JAK1: variants seen among roughly 807,000 people sequenced by gnomAD.
JAK1 encodes Janus kinase 1, also known as tyrosine-protein kinase JAK1.
A neutral mutation model predicts 136.6 loss-of-function variants in JAK1; 16 were observed. The observed-to-expected ratio is 0.12, with a 90% CI of 0.08 to 0.18. JAK1 has a LOEUF of 0.18. Among genes scored for constraint, JAK1 ranks in the 10% least tolerant of loss-of-function variants. The pLI is 1.00. For missense variants in JAK1, 859 were observed against 1,450.1 expected (o/e 0.59, Z 6.62); for synonymous variants, 492 against 519.5 (o/e 0.95, Z 0.72).
chr1:65,010,759 T>C (rs143926873), intron 2 of JAK1, among the ~76,000 whole-genome samples: 6 of 152,140 alleles, frequency 3.9e-5, no homozygotes, highest in African/African-American at 1.4e-4. Flanking sequence ...AGCTTGAGGT[T>C]GGCAGTTTGA....
intron 2 of JAK1, among the ~76,000 whole-genome samples, chr1:65,030,403 C>T (rs1647012314): frequency 6.6e-6 from 1 of 152,196 alleles, no homozygotes; most frequent in African/African-American, 2.4e-5. Context: ...GAGAAAGTTT[C>T]TCATTCTTGC....
At position 64,846,313 on chromosome 1, in the gene JAK1, G is replaced by A. The variant is rs185943778; in HGVS notation, c.1987+336C>T. ...CAGCGTCTTGCTGCTTGTGGGGTGC[G>A]CTCACCTCGCTCACCTGCCCAGAGC... On this transcript the variant is annotated intron_variant, in intron 14 of 24. Coordinates refer to ENST00000342505, the MANE Select transcript of JAK1 (RefSeq NM_002227.4). 6.6e-5 allele frequency among the ~76,000 whole-genome samples: 10 copies of A among 152,076 alleles called. No homozygotes were observed. In the East Asian group the frequency reaches 1.2e-3, roughly 18 times the overall value.
intron 1 of JAK1, among the ~76,000 whole-genome samples, chr1:64,963,292 C>T (rs769339873): frequency 2.0e-5 from 3 of 152,152 alleles, no homozygotes; most frequent in Non-Finnish European, 2.9e-5. Context: ...CTTAAATGGA[C>T]AAGCGAGTAG....
intron 1 of JAK1, among the ~76,000 whole-genome samples, chr1:64,942,521 A>G (rs149365438): frequency 1.8e-4 from 27 of 152,362 alleles, no homozygotes; most frequent in African/African-American, 2.2e-4. Flanking sequence ...TAAAGGAACA[A>G]TAAAACTGAT....
At chr1:65,059,998 A>G (rs948759940) in intron 1 of JAK1, among the ~76,000 whole-genome samples, 4 of 152,174 alleles carry the variant, frequency 2.6e-5, no homozygotes, top group Non-Finnish European at 5.9e-5. Context: ...ACATCCAATG[A>G]AACAATCCAC....
rs755708633 is a variant in JAK1 at position 64,841,596 on chromosome 1, C to T, written c.2409G>A (p.Glu803=). The change falls in exon 18 of 25, where the codon GAG becomes GAA. Residue 803 remains glutamate, a synonymous_variant. Transcript: ENST00000342505. ...GCCTGCACCGGCTTTCATAGAATCT[C>T]TCTTTCTGTAAACAAGAGGGGCACA... ...PLKDKTLIEK[E]RFYESRCRPV... 2.2e-5 allele frequency: 36 copies of T among 1,613,754 alleles called. 1 individual carries two copies. In the Admixed American group the frequency reaches 5.7e-4, roughly 25 times the overall value.
chr1:64,948,075 A>T (rs1379313435), intron 1 of JAK1, among the ~76,000 whole-genome samples: 1 of 152,230 alleles, frequency 6.6e-6, no homozygotes, highest in Non-Finnish European at 1.5e-5. Context: ...AGGGTAATAC[A>T]TAGAGATCCT....
rs3818751 is a variant in JAK1, at chr1:64,839,504, C to A, written c.2842+99G>T. On this transcript the variant is annotated intron_variant, in intron 20 of 24. Transcript: ENST00000342505. ...GGGAACCACCAGCTAGCATGTCAGA[C>A]GCCCAGGTAAGGCCACGGAGTGCCT... 7.2e-6 allele frequency: 7 copies of A among 973,840 alleles called. No homozygotes were observed. The African/African-American group carries it at 8.2e-5, about 11-fold the overall frequency. 60.3% of individuals were successfully genotyped at this position (973,840 alleles called of 1,614,324 possible).
rs116832400 is a variant in JAK1 at position 64,859,010 on chromosome 1, T to C, written c.1334+1095A>G. 6.1e-3 allele frequency among the ~76,000 whole-genome samples: 927 copies of C among 152,252 alleles called. 5 individuals are homozygous for C. The highest frequency in any genetic ancestry group is 0.051 in the Middle Eastern group (15 of 292). ...CTGAAGCACAACCATGGCTGGGACATTGGCAGAAGACGCTTTTCAAATGCT... is the reference window on the plus strand; with the variant it reads ...CTGAAGCACAACCATGGCTGGGACACTGGCAGAAGACGCTTTTCAAATGCT... On this transcript the variant is annotated intron_variant, in intron 9 of 24. Coordinates refer to ENST00000342505, the MANE Select transcript of JAK1 (RefSeq NM_002227.4).
intron 1 of JAK1, among the ~76,000 whole-genome samples, chr1:64,903,966 C>T (rs1424522595): frequency 1.3e-5 from 2 of 152,134 alleles, no homozygotes; most frequent in African/African-American, 4.8e-5. Flanking sequence ...TCCTTGAGAG[C>T]AAAAACAAGA....
chr1:64,968,630 AAAAC>A (rs769230139), upstream of JAK1, among the ~76,000 whole-genome samples: 41 of 152,138 alleles, frequency 2.7e-4, 5 homozygotes, highest in Admixed American at 5.9e-4. Context: ...CTCTAAAATA[AAAAC>A]AAACAAACAA....
At chr1:65,037,522 A>G (rs1271536317) in intron 2 of JAK1, among the ~76,000 whole-genome samples, 1 of 152,202 alleles carries the variant, frequency 6.6e-6, no homozygotes, top group African/African-American at 2.4e-5. Context: ...CAAGTTTCAG[A>G]ACTTAAAATA....
At chr1:65,063,104 C>T (rs1206341078) in intron 1 of JAK1, among the ~76,000 whole-genome samples, 2 of 152,152 alleles carry the variant, frequency 1.3e-5, no homozygotes, top group Non-Finnish European at 2.9e-5. Flanking sequence ...GAGTCAGCAG[C>T]CTTGTGGGCC....
intron 1 of JAK1, among the ~76,000 whole-genome samples, chr1:64,920,982 T>C (rs376182450): frequency 6.6e-5 from 10 of 152,222 alleles, no homozygotes; most frequent in East Asian, 5.8e-4. Context: ...AAGCTTTTTA[T>C]AAATGCTATG....
intron 1 of JAK1, among the ~76,000 whole-genome samples, chr1:65,055,056 AT>A (rs1469071475): frequency 6.6e-6 from 1 of 152,174 alleles, no homozygotes; most frequent in African/African-American, 2.4e-5. Context: ...TTAGGTGTAC[AT>A]TGTGTCATTA....
At chr1:64,924,553 G>A (rs1645550255) in intron 1 of JAK1, among the ~76,000 whole-genome samples, 1 of 152,082 alleles carries the variant, frequency 6.6e-6, no homozygotes, top group South Asian at 2.1e-4. Context: ...GGCCAAGTAG[G>A]GTCTTGTCTT....
At chr1:64,930,435 C>T (rs953588319) in intron 1 of JAK1, among the ~76,000 whole-genome samples, 2 of 152,136 alleles carry the variant, frequency 1.3e-5, no homozygotes, top group African/African-American at 4.8e-5. Flanking sequence ...AAACGCAAAT[C>T]AAAACCACGA....
chr1:64,973,121 AAGAAAGAAAGAAAAAG>A (rs1225811880), intron 2 of JAK1: 2 of 151,938 alleles, frequency 1.3e-5, no homozygotes, highest in African/African-American at 2.4e-5. Context: ...TTCTGTCAAA[AAGAAAGAAAGAAAAAG>A]AGAAAGAAAG....
At chr1:65,042,761 G>A (rs1647146772) in intron 2 of JAK1, among the ~76,000 whole-genome samples, 1 of 152,120 alleles carries the variant, frequency 6.6e-6, no homozygotes, top group Non-Finnish European at 1.5e-5. Context: ...GAACTAAACT[G>A]AGGATGAGTT....
Sources: gnomAD v4.1 joint callset for allele counts (sites outside exome capture counted in the v4.1 genomes callset) on GRCh38, gnomAD v4.1.1 for gene constraint, MANE v1.5 for transcripts, NCBI Gene and HGNC (gene_info 2026-07-23, HGNC 2026-07-21) for gene names.